The following MDM4 variants were observed in gnomAD, a reference collection of about 807,000 sequenced individuals.
MDM4 encodes protein Mdm4.
A neutral mutation model predicts 60.2 loss-of-function variants in MDM4; 2 were observed. That is an observed-to-expected ratio of 0.03 (90% CI 0.01 to 0.10). The LOEUF (loss-of-function observed/expected upper bound fraction) is 0.10, where lower values mean the gene tolerates loss of function less well. Ranked by LOEUF, MDM4 falls within the 10% of genes least tolerant of loss-of-function variation. The pLI, the probability that MDM4 is intolerant of heterozygous loss-of-function variation, is 1.00. For missense variants in MDM4, 447 were observed against 577.5 expected, an observed-to-expected ratio of 0.77 and a Z score of 2.32; for synonymous variants, 202 against 198.1, an observed-to-expected ratio of 1.02 and a Z score of -0.17.
intron 1 of MDM4, among the ~76,000 whole-genome samples, chr1:204,519,287 T>C (rs556840020): frequency 1.1e-4 from 16 of 152,228 alleles, no homozygotes; most frequent in Admixed American, 2.0e-4. Flanking sequence ...GCGGATCACC[T>C]GGTTGGGAGT....
chr1:204,525,192 C>T (rs1362117067), intron 1 of MDM4: 1 of 242,486 alleles, frequency 4.1e-6, no homozygotes, highest in Non-Finnish European at 6.7e-6. Flanking sequence ...TGACTTTCAG[C>T]TAAAACAGTT....
At chr1:204,526,469 T>TG in intron 3 of MDM4, 35 bp downstream of exon 3, 4 of 1,366,898 alleles carry the variant, frequency 2.9e-6, no homozygotes, top group Middle Eastern at 2.4e-4. Flanking sequence ...TTTTTTTTGT[T>TG]TTTTTTTTTT....
intron 1 of MDM4, among the ~76,000 whole-genome samples, chr1:204,524,023 G>C (rs1232049599): frequency 5.9e-5 from 9 of 152,132 alleles, no homozygotes; most frequent in African/African-American, 2.2e-4. Context: ...AGGTGACTCA[G>C]GATGACTCAG....
intron 1 of MDM4, among the ~76,000 whole-genome samples, chr1:204,517,112 G>C (rs960293744): frequency 2.3e-4 from 35 of 151,862 alleles, no homozygotes; most frequent in African/African-American, 8.0e-4. Flanking sequence ...GTGTGGTGGC[G>C]CATGCCTGTA....
chr1:204,525,445 GC>G, intron 1 of MDM4, 38 bp from the exon 2 acceptor site: 1 of 1,538,566 alleles, frequency 6.5e-7, no homozygotes, highest in East Asian at 2.3e-5. Flanking sequence ...GGAATTTTCT[GC>G]ATTAGAATAG....
intron 1 of MDM4, among the ~76,000 whole-genome samples, chr1:204,522,402 AT>A (rs373501508): frequency 0.58 from 80,236 of 138,238 alleles, 24,053 homozygotes; most frequent in East Asian, 0.69. Context: ...CAGGTTTTAA[AT>A]TTTTTTTTTT....
At chr1:204,536,903 A>T in intron 5 of MDM4, 1 of 394,540 alleles carries the variant, frequency 2.5e-6, no homozygotes, top group Non-Finnish European at 4.9e-6. Flanking sequence ...CCATAAAATT[A>T]TCCTTGACAC....
At position 204,549,252 on chromosome 1, in the gene MDM4, C is replaced by G. The variant is rs2102455217; in HGVS notation, c.1043C>G (p.Ala348Gly). 1 of 1,614,116 alleles carries G rather than the reference C, an allele frequency of 6.2e-7. No homozygotes were observed. The highest frequency in any genetic ancestry group is 8.5e-7 in the Non-Finnish European group (1 of 1,180,008). Residue 348 changes from alanine to glycine, a missense_variant, in exon 11 of 11, where the codon GCC becomes GGC. Physicochemically the swap from Ala to Gly is moderately conservative, Grantham distance 60. Around this residue, in one of 8 missense-constraint regions of MDM4, gnomAD observed 117 missense variants for 114.5 expected, o/e 1.02. Transcript: ENST00000367182. ...THSLSTSDIT[A>G]IPEKENEGND... The stretch of plus-strand genomic sequence containing the variant: ...TCTCTCTCCACGTCTGATATCACTG[C>G]CATACCTGAAAAGGAAAATGAAGGA...
intron 10 of MDM4, among the ~76,000 whole-genome samples, chr1:204,547,845 T>A (rs1662819891): frequency 6.6e-6 from 1 of 152,238 alleles, no homozygotes; most frequent in South Asian, 2.1e-4. Context: ...TGCCTCAGTC[T>A]CCCAAGTAGC....
Position 204,557,695 on chromosome 1 carries a change from C to G in MDM4, c.*8013C>G, listed in dbSNP as rs528387983. The G allele has an allele frequency of 1.7e-5, 3 of 181,020 alleles. No homozygotes were observed. The East Asian group carries it at 2.7e-4, about 16-fold the overall frequency. 11.2% of individuals were successfully genotyped at this position (181,020 alleles called of 1,614,324 possible). ...GGGATTACAGGCGTGAGCAACTGCT[C>G]CTGGCCCAAAACATCTCTTTCTACA... On this transcript the variant is annotated 3_prime_UTR_variant, in exon 11 of 11. Transcript: ENST00000367182.
At chr1:204,533,341 G>A (rs1200441151) in intron 5 of MDM4, among the ~76,000 whole-genome samples, 1 of 152,056 alleles carries the variant, frequency 6.6e-6, no homozygotes, top group Non-Finnish European at 1.5e-5. Flanking sequence ...GCCCTTTGAA[G>A]AAAGCCCAAG....
At position 204,551,054 on chromosome 1, in the gene MDM4, G is replaced by A. The variant is rs1663154744; in HGVS notation, c.*1372G>A. On this transcript the variant is annotated 3_prime_UTR_variant, in exon 11 of 11. Transcript: ENST00000367182. ...ATCAGTTTTTGTTTTGTTTTGTTTTGTTTTTTGAGACAGGGTCTTGCTCTG... is the reference window on the plus strand; with the variant it reads ...ATCAGTTTTTGTTTTGTTTTGTTTTATTTTTTGAGACAGGGTCTTGCTCTG... 1.1e-5 allele frequency: 2 copies of A among 186,392 alleles called. No individual in the cohort carries two copies. The highest frequency in any genetic ancestry group is 2.4e-5 in the African/African-American group (1 of 42,380). The allele number at this position is 186,392 out of a possible 1,614,324, so 11.5% of individuals were successfully genotyped here. A position where few individuals can be genotyped will look rare whatever the true frequency, so the allele number is the denominator to read the frequency against.
chr1:204,540,008 G>A (rs1256420315), intron 7 of MDM4, among the ~76,000 whole-genome samples: 4 of 151,742 alleles, frequency 2.6e-5, no homozygotes, highest in East Asian at 2.0e-4. Flanking sequence ...TTAGCCGGGC[G>A]CGGTGGCTCA....
intron 1 of MDM4, among the ~76,000 whole-genome samples, chr1:204,519,226 A>G (rs766005038): frequency 6.6e-6 from 1 of 152,208 alleles, no homozygotes; most frequent in African/African-American, 2.4e-5. Context: ...GCCTGACACT[A>G]TAGGATTTTT....
At chr1:204,519,494 C>T (rs759225929) in intron 1 of MDM4, among the ~76,000 whole-genome samples, 54 of 151,728 alleles carry the variant, frequency 3.6e-4, no homozygotes, top group African/African-American at 1.5e-4. Context: ...GCAACAAGAG[C>T]GAAACTCCGT....
intron 8 of MDM4, among the ~76,000 whole-genome samples, chr1:204,543,269 G>A (rs988819153): frequency 3.3e-5 from 5 of 152,186 alleles, no homozygotes; most frequent in Admixed American, 2.6e-4. Context: ...ACACTGGGAG[G>A]CCGAGACAGG....
chr1:204,549,584 A>G lies in MDM4; in HGVS notation c.1375A>G (p.Thr459Ala). The G allele has an allele frequency of 6.2e-7, 1 of 1,613,286 alleles. No individual in the cohort carries two copies. Among genetic ancestry groups the G allele is most frequent in the Non-Finnish European group, 8.5e-7 (1 of 1,179,854 alleles). ...TCATGGAAGGACGGGCCATCTTGTC[A>G]CTTGTTTTCACTGTGCCAGAAGACT... ...IIHGRTGHLV[T>A]CFHCARRLKK... is the part of the protein sequence containing the mutation. Residue 459 changes from threonine to alanine, a missense_variant, in exon 11 of 11, where the codon ACT becomes GCT. By Grantham distance (58) the Thr-to-Ala change is moderately conservative. Transcript: ENST00000367182.
intron 5 of MDM4, 30 bp from the exon 6 acceptor site, chr1:204,537,400 G>C: frequency 6.3e-7 from 1 of 1,578,208 alleles, no homozygotes; most frequent in Non-Finnish European, 8.7e-7. Context: ...TACCAGGGAA[G>C]GTTTTCCTTT....
rs138259386 is a variant in MDM4 at position 204,529,603 on chromosome 1, TG to T, written c.154-1073del. 1.2e-3 allele frequency: 1,478 copies of T among 1,261,868 alleles called. 9 individuals carry two copies. The African/African-American group carries it at 0.018, about 15-fold the overall frequency. The allele number at this position is 1,261,868 out of a possible 1,614,324, so 78.2% of individuals were successfully genotyped here. A position where few individuals can be genotyped will look rare whatever the true frequency, so the allele number is the denominator to read the frequency against. ...ACGCTGCCATACTGCCCTCCACTACTGGGGGGGGTCCAAGGTAGTAGCTACC... is the reference window on the plus strand; with the variant it reads ...ACGCTGCCATACTGCCCTCCACTACTGGGGGGGTCCAAGGTAGTAGCTACC... On this transcript the variant is annotated intron_variant, in intron 3 of 10. Transcript: ENST00000367182.
Sources: gnomAD v4.1 joint callset for allele counts (sites outside exome capture counted in the v4.1 genomes callset) on GRCh38, gnomAD v4.1.1 for gene constraint, gnomAD v4.1.1 regional missense constraint, MANE v1.5 for transcripts, NCBI Gene and HGNC (gene_info 2026-07-23, HGNC 2026-07-21) for gene names.